Variants in DYM observed in about 807,000 individuals in gnomAD.
DYM encodes the protein dyggve-Melchior-Clausen syndrome protein.
In DYM, 78 loss-of-function variants were observed where a neutral mutation model predicts 93.1. The ratio of observed to expected loss-of-function variants is 0.84; its 90% confidence interval spans 0.70 to 1.01. DYM has a LOEUF of 1.01. Among genes scored for constraint, DYM ranks in the 50% least tolerant of loss-of-function variants. The pLI is 0.00. For synonymous variants in DYM, 321 were observed against 319.7 expected, an observed-to-expected ratio of 1.00 and a Z score of -0.04; for missense variants, 789 against 845.0, an observed-to-expected ratio of 0.93 and a Z score of 0.82.
chr18:49,229,704 T>G (rs114945471), intron 13 of DYM, among the ~76,000 whole-genome samples: 1,660 of 152,268 alleles, frequency 0.011, 29 homozygotes, highest in African/African-American at 0.038. Context: ...GAAAATACTT[T>G]GACACCTTCT....
rs746615918 is a variant in DYM at position 49,118,688 on chromosome 18, T to C, written c.1911+56A>G. 8.7e-6 allele frequency: 13 copies of C among 1,497,924 alleles called. No homozygotes were observed. In the South Asian group the frequency reaches 1.3e-4, roughly 14 times the overall value. The allele number at this position is 1,497,924 out of a possible 1,614,324, so 92.8% of individuals were successfully genotyped here. ...AGTTCTTACCAAGGCTTATTAAACA[T>C]TCTCTGCTTTAATACTTAAAAAAGA... On this transcript the variant is annotated intron_variant, in intron 16 of 17. Transcript: ENST00000675505.
chr18:49,203,752 G>A (rs1010633133), intron 14 of DYM, among the ~76,000 whole-genome samples: 2 of 137,928 alleles, frequency 1.5e-5, no homozygotes, highest in African/African-American at 5.5e-5. Flanking sequence ...GAAAACCAGA[G>A]ACCTTTGTTC....
At chr18:49,212,672 T>C (rs1271054451) in intron 13 of DYM, among the ~76,000 whole-genome samples, 1 of 152,116 alleles carries the variant, frequency 6.6e-6, no homozygotes, top group African/African-American at 2.4e-5. Context: ...ATTTTTAAAA[T>C]TTTTACTAGA....
At chr18:49,140,952 A>G (rs2084414190) in intron 15 of DYM, among the ~76,000 whole-genome samples, 1 of 152,028 alleles carries the variant, frequency 6.6e-6, no homozygotes, top group Non-Finnish European at 1.5e-5. Flanking sequence ...TCCTCATCTT[A>G]CCCTCAATCT....
At position 49,038,957 on chromosome 18, in the gene DYM, T is replaced by A. The variant is rs2070804772; in HGVS notation, c.*5098A>T. ...ATTTCTCTATATATTTAAAACTCCATAAGACATAATTATTGTTTTATGTAG... is the reference window on the plus strand; with the variant it reads ...ATTTCTCTATATATTTAAAACTCCAAAAGACATAATTATTGTTTTATGTAG... On this transcript the variant is annotated 3_prime_UTR_variant, in exon 18 of 18. Coordinates refer to ENST00000675505, the MANE Select transcript of DYM (RefSeq NM_001353214.3). 6.6e-6 allele frequency among the ~76,000 whole-genome samples: 1 copy of A among 152,226 alleles called. No homozygotes were observed. Among genetic ancestry groups the A allele is most frequent in the Admixed American group, 6.5e-5 (1 of 15,288 alleles).
chr18:49,456,992 G>A (rs2083035996), intron 1 of DYM, among the ~76,000 whole-genome samples: 4 of 152,188 alleles, frequency 2.6e-5, no homozygotes, highest in Admixed American at 2.6e-4. Flanking sequence ...CAAACTGGAG[G>A]ACTCCCAGAA....
intron 1 of DYM, among the ~76,000 whole-genome samples, 155 bp downstream of exon 1, chr18:49,460,243 G>A (rs1187442435): frequency 6.6e-6 from 1 of 152,118 alleles, no homozygotes; most frequent in Non-Finnish European, 1.5e-5. Context: ...GGGTGGCCCA[G>A]GCGCCCGCGG....
chr18:49,359,077 C>T (rs76286827), intron 6 of DYM, among the ~76,000 whole-genome samples: 302 of 152,230 alleles, frequency 2.0e-3, no homozygotes, highest in African/African-American at 6.7e-3. Context: ...TCACAAATTC[C>T]GAGCGCTGGG....
At chr18:49,424,299 C>T (rs886951962) in intron 2 of DYM, among the ~76,000 whole-genome samples, 2 of 152,128 alleles carry the variant, frequency 1.3e-5, no homozygotes, top group African/African-American at 2.4e-5. Context: ...ACAAAAACCA[C>T]ATAATTATCT....
chr18:49,073,661 G>A (rs927727469), intron 17 of DYM, among the ~76,000 whole-genome samples: 4 of 152,206 alleles, frequency 2.6e-5, no homozygotes, highest in African/African-American at 9.7e-5. Flanking sequence ...CGTCACAGCA[G>A]CAACAAGGAC....
intron 17 of DYM, among the ~76,000 whole-genome samples, chr18:49,077,233 A>G (rs115592485): frequency 0.011 from 1,628 of 152,296 alleles, 27 homozygotes; most frequent in African/African-American, 0.037. Flanking sequence ...GCAGAGTAGA[A>G]AGCCCCTTCC....
intron 17 of DYM, among the ~76,000 whole-genome samples, chr18:49,080,373 G>A (rs2077791237): frequency 7.5e-6 from 1 of 133,968 alleles, no homozygotes. Context: ...GGGGTGGCTG[G>A]CCGGGCGAGG....
chr18:49,158,913 TG>T (rs1391581007), intron 15 of DYM, among the ~76,000 whole-genome samples: 1 of 152,216 alleles, frequency 6.6e-6, no homozygotes, highest in African/African-American at 2.4e-5. Context: ...ATAATTGGAT[TG>T]TTTGTAACAC....
intron 15 of DYM, among the ~76,000 whole-genome samples, chr18:49,127,865 G>C (rs1485300810): frequency 6.6e-6 from 1 of 152,162 alleles, no homozygotes; most frequent in Non-Finnish European, 1.5e-5. Flanking sequence ...AAAAGACAAT[G>C]GGTAACCTTA....
At chr18:49,046,102 C>CA (rs2071475591) in intron 17 of DYM, among the ~76,000 whole-genome samples, 1 of 129,066 alleles carries the variant, frequency 7.7e-6, no homozygotes, top group Non-Finnish European at 1.6e-5. Flanking sequence ...ACACACACAC[C>CA]CACACCCACA....
rs529374882 is a variant in DYM at position 49,213,068 on chromosome 18, T to C, written c.1461-3353A>G. ...CCTTCTTACAAGAAAATGTCCAAGA[T>C]TGTGCAATGTATAGTTCTGAAATGT... On this transcript the variant is annotated intron_variant, in intron 13 of 17. Transcript: ENST00000675505. 1.7e-4 allele frequency among the ~76,000 whole-genome samples: 26 copies of C among 152,304 alleles called. No homozygotes were observed. The South Asian group carries it at 2.9e-3, about 17-fold the overall frequency.
chr18:49,166,681 A>G (rs2087918547), intron 14 of DYM, among the ~76,000 whole-genome samples: 1 of 152,196 alleles, frequency 6.6e-6, no homozygotes, highest in African/African-American at 2.4e-5. Context: ...GAAATCAGTA[A>G]TACGCTTCTA....
At chr18:49,055,917 C>A (rs977693595) in intron 17 of DYM, among the ~76,000 whole-genome samples, 1 of 152,188 alleles carries the variant, frequency 6.6e-6, no homozygotes, top group Admixed American at 6.5e-5. Flanking sequence ...AAAAGATGAA[C>A]AAGCAACCAG....
rs371174102 is a variant in DYM at position 49,172,397 on chromosome 18, CT to C, written c.1626-8611del. Among the ~76,000 whole-genome samples, 126 of 152,300 alleles carry C rather than the reference CT, an allele frequency of 8.3e-4. 1 individual carries two copies. The highest frequency in any genetic ancestry group is 2.9e-3 in the African/African-American group (121 of 41,570). The stretch of plus-strand genomic sequence containing the variant: ...GCTGGATTGTATGTTATTTGTTTCA[CT>C]CTATAAGAAACTGCTAAACCGTTGC... On this transcript the variant is annotated intron_variant, in intron 14 of 17. Coordinates refer to ENST00000675505, the MANE Select transcript of DYM (RefSeq NM_001353214.3).
Sources: gnomAD v4.1 joint callset for allele counts (sites outside exome capture counted in the v4.1 genomes callset) on GRCh38, gnomAD v4.1.1 for gene constraint, MANE v1.5 for transcripts, NCBI Gene and HGNC (gene_info 2026-07-23, HGNC 2026-07-21) for gene names.